GALNT2: variants seen among roughly 807,000 people sequenced by gnomAD.
GALNT2 encodes UDP-GalNAc:polypeptide N-acetylgalactosaminyltransferase 2.
A neutral mutation model predicts 81.4 loss-of-function variants in GALNT2; 31 were observed. The ratio of observed to expected loss-of-function variants is 0.38; its 90% CI spans 0.29 to 0.51. GALNT2 has a LOEUF of 0.51. Among genes scored for constraint, GALNT2 ranks in the 20% least tolerant of loss-of-function variants. GALNT2 has a pLI of 0.87. For synonymous variants in GALNT2, 303 were observed against 287.4 expected, an observed-to-expected ratio of 1.05 and a Z score of -0.55; for missense variants, 629 against 765.7, an observed-to-expected ratio of 0.82 and a Z score of 2.11.
chr1:230,179,375 TAAGTTGTTTTCCA>T (rs1663087682), intron 2 of GALNT2, among the ~76,000 whole-genome samples: 1 of 152,222 alleles, frequency 6.6e-6, no homozygotes, highest in Admixed American at 6.5e-5. Flanking sequence ...AAGAAACTGC[TAAGTTGTTTTCCA>T]AAGTGGCTGT....
chr1:230,180,324 G>A, intron 2 of GALNT2, among the ~76,000 whole-genome samples: 1 of 72,190 alleles, frequency 1.4e-5, no homozygotes, highest in South Asian at 4.6e-4. Context: ...TTTTTTTTTG[G>A]CATGTGAGTG....
intron 2 of GALNT2, among the ~76,000 whole-genome samples, chr1:230,200,127 A>G (rs548637943): frequency 2.2e-4 from 33 of 147,310 alleles, no homozygotes; most frequent in Middle Eastern, 3.5e-3. Flanking sequence ...CAGTGGTGCA[A>G]TCTCGGCTCA....
intron 3 of GALNT2, among the ~76,000 whole-genome samples, chr1:230,234,857 C>G (rs113147137): frequency 2.0e-5 from 3 of 152,136 alleles, no homozygotes; most frequent in Admixed American, 2.0e-4. Flanking sequence ...TAAACCTTTA[C>G]TGCTTATTTC....
At chr1:230,153,858 G>A (rs940408478) in intron 1 of GALNT2, among the ~76,000 whole-genome samples, 1 of 152,174 alleles carries the variant, frequency 6.6e-6, no homozygotes, top group African/African-American at 2.4e-5. Flanking sequence ...GGGTCTGGTG[G>A]AACTGATATG....
intron 1 of GALNT2, among the ~76,000 whole-genome samples, chr1:230,139,175 T>C (rs1364772530): frequency 6.6e-6 from 1 of 152,222 alleles, no homozygotes; most frequent in Non-Finnish European, 1.5e-5. Flanking sequence ...TACCCGGCTT[T>C]GGTCCCCTCA....
chr1:230,254,507 C>A (rs984128011), intron 10 of GALNT2, among the ~76,000 whole-genome samples: 2 of 152,170 alleles, frequency 1.3e-5, no homozygotes, highest in African/African-American at 4.8e-5. Flanking sequence ...CTACCATAGT[C>A]CATAAGGCAG....
intron 1 of GALNT2, among the ~76,000 whole-genome samples, chr1:230,120,648 G>T (rs138596376): frequency 2.6e-5 from 4 of 152,126 alleles, no homozygotes; most frequent in Non-Finnish European, 4.4e-5. Flanking sequence ...ACTCAGGGAC[G>T]CACAGCTCCC....
At chr1:230,117,835 G>A (rs1660890831) in intron 1 of GALNT2, among the ~76,000 whole-genome samples, 1 of 152,232 alleles carries the variant, frequency 6.6e-6, no homozygotes, top group East Asian at 1.9e-4. Context: ...CTTGCTCGAT[G>A]TAGGGTTGCC....
chr1:230,082,226 G>C (rs888639721), intron 1 of GALNT2, among the ~76,000 whole-genome samples: 3 of 152,232 alleles, frequency 2.0e-5, no homozygotes, highest in Non-Finnish European at 2.9e-5. Flanking sequence ...CTGTTTCTTT[G>C]TGTAAGGTGA....
chr1:230,178,369 A>G lies in GALNT2; in HGVS notation c.220+58A>G, dbSNP rs573649700. The G allele has an allele frequency of 2.3e-6, 3 of 1,312,852 alleles. No homozygotes were observed. The East Asian group carries it at 7.0e-5, about 31-fold the overall frequency. The allele number at this position is 1,312,852 out of a possible 1,614,324, so 81.3% of individuals were successfully genotyped here. A position where few individuals can be genotyped will look rare whatever the true frequency, so the allele number is the denominator to read the frequency against. On this transcript the variant is annotated intron_variant, in intron 2 of 15. Transcript: ENST00000366672. Reference sequence around the variant, plus strand: ...TGAGCACGTGATTGGGAGTGGACTGAGCATGGCTCTTGGAGCAGGTGGTCT... The same window carrying G: ...TGAGCACGTGATTGGGAGTGGACTGGGCATGGCTCTTGGAGCAGGTGGTCT...
intron 6 of GALNT2, 128 bp downstream of exon 6, chr1:230,236,853 C>A: frequency 1.2e-6 from 1 of 804,302 alleles, no homozygotes; most frequent in African/African-American, 1.7e-5. Flanking sequence ...CTACCAGAGC[C>A]GCTTGGGAGA....
At chr1:230,216,077 A>G (rs563071924) in intron 3 of GALNT2, among the ~76,000 whole-genome samples, 4 of 152,290 alleles carry the variant, frequency 2.6e-5, no homozygotes, top group African/African-American at 9.6e-5. Flanking sequence ...TTCAGAAAGA[A>G]ATTAGACCAG....
intron 1 of GALNT2, among the ~76,000 whole-genome samples, chr1:230,088,516 A>T (rs1659961992): frequency 6.6e-6 from 1 of 151,232 alleles, no homozygotes; most frequent in Admixed American, 6.6e-5. Context: ...CTACAGTTGT[A>T]CAGCTACCAC....
chr1:230,148,530 G>A (rs1661993880), intron 1 of GALNT2, among the ~76,000 whole-genome samples: 1 of 152,196 alleles, frequency 6.6e-6, no homozygotes, highest in Non-Finnish European at 1.5e-5. Context: ...CTCGCCTTCC[G>A]GAGTTAACTC....
chr1:230,107,610 T>TTGTGTGTGTGTGTGTGTGTGTGTGTGTG (rs3033608), intron 1 of GALNT2, among the ~76,000 whole-genome samples: 2 of 141,116 alleles, frequency 1.4e-5, no homozygotes, highest in African/African-American at 5.2e-5. Context: ...CTCATGGACT[T>TTGTGTGTGTGTGTGTGTGTGTGTGTGTG]TGTGTGTGTG....
At chr1:230,133,629 G>A (rs932558857) in intron 1 of GALNT2, among the ~76,000 whole-genome samples, 4 of 151,830 alleles carry the variant, frequency 2.6e-5, no homozygotes, top group Admixed American at 6.6e-5. Flanking sequence ...AATTTTTTGT[G>A]TTTTTGGTAG....
At chr1:230,179,015 T>C (rs1014822366) in intron 2 of GALNT2, among the ~76,000 whole-genome samples, 3 of 151,640 alleles carry the variant, frequency 2.0e-5, no homozygotes, top group African/African-American at 4.8e-5. Flanking sequence ...GTTGGAATCA[T>C]AGGGTATGTC....
chr1:230,136,483 T>C (rs1188246203), intron 1 of GALNT2, among the ~76,000 whole-genome samples: 3 of 152,128 alleles, frequency 2.0e-5, no homozygotes, highest in Admixed American at 2.0e-4. Flanking sequence ...TGCCGCGCTT[T>C]CTCTCCCGGA....
intron 4 of GALNT2, 77 bp from the exon 5 acceptor site, chr1:230,236,276 A>G: frequency 6.8e-7 from 1 of 1,472,250 alleles, no homozygotes; most frequent in Non-Finnish European, 9.5e-7. Context: ...GGACCAACAT[A>G]TGAGAATTTT....
Sources: gnomAD v4.1 joint callset for allele counts (sites outside exome capture counted in the v4.1 genomes callset) on GRCh38, gnomAD v4.1.1 for gene constraint, MANE v1.5 for transcripts, NCBI Gene and HGNC (gene_info 2026-07-23, HGNC 2026-07-21) for gene names.